The following ANKRD24 variants were observed in gnomAD, a reference collection of about 807,000 sequenced individuals.
The protein encoded by ANKRD24 is ankyrin repeat domain-containing protein 24.
In ANKRD24, 109 loss-of-function variants were observed where a neutral mutation model predicts 127.8. The ratio of observed to expected loss-of-function variants is 0.85; its 90% CI spans 0.73 to 1.00. The LOEUF is 1.00. Ranked by LOEUF, ANKRD24 falls within the 50% of genes least tolerant of loss-of-function variation. The pLI, the probability that ANKRD24 is intolerant of heterozygous loss-of-function variation, is 0.00. For synonymous variants in ANKRD24, 743 were observed against 671.1 expected (o/e 1.11, Z -1.66); for missense variants, 1,648 against 1,570.2 (o/e 1.05, Z -0.84).
intron 1 of ANKRD24, among the ~76,000 whole-genome samples, chr19:4,183,048 G>T (rs182671670): frequency 1.1e-4 from 17 of 150,470 alleles, no homozygotes; most frequent in African/African-American, 3.9e-4. Flanking sequence ...GCGCAATCTC[G>T]GTTCACTGCA....
In ANKRD24 at chr19:4,198,070, C is replaced by T; in HGVS notation, c.37-1613C>T. ...GGTGCGAGGCTGCGGACGTCGCGGGCCCGGAGGCACCTGCGCGCCCTTGGC... is the reference window on the plus strand; with the variant it reads ...GGTGCGAGGCTGCGGACGTCGCGGGTCCGGAGGCACCTGCGCGCCCTTGGC... On this transcript the variant is annotated intron_variant, in intron 2 of 21. Coordinates refer to ENST00000318934, the MANE Select transcript of ANKRD24 (RefSeq NM_001393985.1). The surrounding 1 kb of genome is among the most constrained non-coding windows in gnomAD (Gnocchi z 6.1). 1 of 421,248 alleles carries T rather than the reference C, an allele frequency of 2.4e-6. No homozygotes were observed. Among genetic ancestry groups the T allele is most frequent in the Non-Finnish European group, 4.2e-6 (1 of 237,224 alleles). 26.1% of individuals were successfully genotyped at this position (421,248 alleles called of 1,614,324 possible).
chr19:4,192,662 G>C (rs1188862900), intron 2 of ANKRD24, among the ~76,000 whole-genome samples: 1 of 150,718 alleles, frequency 6.6e-6, no homozygotes, highest in Non-Finnish European at 1.5e-5. Context: ...TGGGCGCAGT[G>C]GCTCACGCCT....
intron 15 of ANKRD24, among the ~76,000 whole-genome samples, chr19:4,214,254 C>G (rs1969932472): frequency 6.6e-6 from 1 of 151,764 alleles, no homozygotes; most frequent in Admixed American, 6.6e-5. Flanking sequence ...GCAGCCTTGA[C>G]TTTCCCGGCC....
intron 13 of ANKRD24, among the ~76,000 whole-genome samples, chr19:4,212,057 G>A (rs542757009): frequency 3.9e-5 from 6 of 152,072 alleles, no homozygotes; most frequent in East Asian, 3.9e-4. Context: ...AAAATTAGCC[G>A]GGCCTGTTGG....
chr19:4,202,433 G>A (rs146623241), intron 6 of ANKRD24, among the ~76,000 whole-genome samples: 2,548 of 152,146 alleles, frequency 0.017, 72 homozygotes, highest in African/African-American at 0.058. Context: ...AGCTGGGAGC[G>A]GTGGTGTGTG....
At chr19:4,187,866 T>C (rs1968155861) in intron 2 of ANKRD24, among the ~76,000 whole-genome samples, 1 of 151,906 alleles carries the variant, frequency 6.6e-6, no homozygotes, top group South Asian at 2.1e-4. Flanking sequence ...TTTAGAGAAG[T>C]GAAGGCAGGC....
At chr19:4,213,306 T>TTACC (rs1969867721) in intron 15 of ANKRD24, among the ~76,000 whole-genome samples, 1 of 147,092 alleles carries the variant, frequency 6.8e-6, no homozygotes, top group African/African-American at 2.6e-5. Flanking sequence ...CTTTCCTTCC[T>TTACC]TCCCTCCCTC....
chr19:4,219,069 TGAGGTCACAAGTTC>T (rs1401793428), intron 18 of ANKRD24, among the ~76,000 whole-genome samples: 19 of 152,272 alleles, frequency 1.2e-4, no homozygotes, highest in Non-Finnish European at 2.8e-4. Flanking sequence ...GTGGATCACC[TGAGGTCACAAGTTC>T]GAGACCAGCC....
Position 4,195,900 on chromosome 19 carries a change from A to G in ANKRD24, c.37-3783A>G, listed in dbSNP as rs1968706846. On this transcript the variant is annotated intron_variant, in intron 2 of 21. Coordinates refer to ENST00000318934, the MANE Select transcript of ANKRD24 (RefSeq NM_001393985.1). This position sits in a 1 kb window ranked among gnomAD's most constrained non-coding sequence, Gnocchi z 4.2. Reference sequence around the variant, plus strand: ...AAGAGCAAGACTCCGTCTCAAAAGAAAAAAAGTAAAAGTCTAAGAATAATC... The same window carrying G: ...AAGAGCAAGACTCCGTCTCAAAAGAGAAAAAGTAAAAGTCTAAGAATAATC... 6.6e-6 allele frequency among the ~76,000 whole-genome samples: 1 copy of G among 152,216 alleles called. No individual in the cohort carries two copies. Among genetic ancestry groups the G allele is most frequent in the African/African-American group, 2.4e-5 (1 of 41,454 alleles).
chr19:4,182,965 T>TTGTGTGTGTGTGTGTGTGTGTGTGTG (rs57280997), intron 1 of ANKRD24, among the ~76,000 whole-genome samples: 9 of 138,582 alleles, frequency 6.5e-5, no homozygotes, highest in Non-Finnish European at 9.3e-5. Flanking sequence ...AATATCTCAT[T>TTGTGTGTGTGTGTGTGTGTGTGTGTG]TGTGTGTGTG....
chr19:4,210,522 C>G (rs1365729354), intron 13 of ANKRD24, 150 bp downstream of exon 13: 7 of 717,800 alleles, frequency 9.8e-6, no homozygotes. Context: ...GCTGTTCCTC[C>G]AACTCGCCAG....
intron 4 of ANKRD24, 23 bp downstream of exon 4, chr19:4,200,028 T>A: frequency 1.3e-6 from 2 of 1,564,764 alleles, no homozygotes; most frequent in Non-Finnish European, 1.7e-6. Flanking sequence ...GACCCGGGAG[T>A]GAGATGGCTG....
Position 4,217,382 on chromosome 19 carries a change from G to T in ANKRD24, c.2222G>T (p.Arg741Leu). ...GLEEALRQREREAAAELEAAL... is the reference protein window; with the variant it reads ...GLEEALRQRELEAAAELEAAL... ...GAGGAGGCTCTCCGGCAGCGGGAGC[G>T]GGAGGCAGCTGCGGAGCTGGAGGCG... Residue 741 changes from arginine (R) to leucine (L), a missense_variant, in exon 18 of 22, where the codon CGG (arginine) becomes CTG (leucine). Coordinates refer to ENST00000318934, the MANE Select transcript of ANKRD24 (RefSeq NM_001393985.1). 1 of 1,550,648 alleles carries T rather than the reference G, an allele frequency of 6.4e-7. No homozygotes were observed. The highest frequency in any genetic ancestry group is 8.7e-7 in the Non-Finnish European group (1 of 1,146,940).
intron 11 of ANKRD24, 129 bp downstream of exon 11, chr19:4,208,930 T>G: frequency 1.0e-6 from 1 of 991,984 alleles, no homozygotes; most frequent in Non-Finnish European, 1.5e-6. Flanking sequence ...AATGCTACCT[T>G]CAGGGTATGC....
At chr19:4,206,013 G>A (rs1331749759) in intron 7 of ANKRD24, among the ~76,000 whole-genome samples, 3 of 138,630 alleles carry the variant, frequency 2.2e-5, no homozygotes, top group Admixed American at 7.3e-5. Context: ...GTGGTGGCGG[G>A]CGCCTGTAGT....
Position 4,222,762 on chromosome 19 carries a change from T to C in ANKRD24, c.3264T>C (p.Arg1088=), listed in dbSNP as rs749182378. The C allele has an allele frequency of 6.2e-7, 1 of 1,611,400 alleles. No homozygotes were observed. The highest frequency in any genetic ancestry group is 8.5e-7 in the Non-Finnish European group (1 of 1,178,246). ...CCACCCCTGAGGTGGAGGCTCTCCG[T>C]GACCAGGTGAAGGATTTACAGCAGC... ...ALATPEVEAL[R]DQVKDLQQQL... The change falls in exon 20 of 22, where the codon CGT becomes CGC. Residue 1088 remains arginine (R), a synonymous_variant. Coordinates refer to ENST00000318934, the MANE Select transcript of ANKRD24 (RefSeq NM_001393985.1).
intron 1 of ANKRD24, 126 bp downstream of exon 1, chr19:4,182,866 CCT>C: frequency 2.0e-6 from 1 of 498,564 alleles, no homozygotes; most frequent in Non-Finnish European, 2.6e-6. Flanking sequence ...CCCCACAACC[CCT>C]TTTACGGATT....
chr19:4,182,773 T>C (rs1967800196), intron 1 of ANKRD24, 33 bp downstream of exon 1: 2 of 985,114 alleles, frequency 2.0e-6, no homozygotes, highest in African/African-American at 3.5e-5. Context: ...GGCTCCCCGA[T>C]GACCCGGGCG....
chr19:4,190,262 C>T (rs866886554), intron 2 of ANKRD24, among the ~76,000 whole-genome samples: 13 of 151,958 alleles, frequency 8.6e-5, no homozygotes, highest in South Asian at 2.1e-4. Context: ...GGTGAAACCC[C>T]GTCTCTACTA....
Sources: allele counts gnomAD v4.1 joint callset (sites outside exome capture counted in the v4.1 genomes callset), GRCh38; gene constraint gnomAD v4.1.1; non-coding constraint Gnocchi (gnomAD v3.1); transcripts MANE v1.5; gene names NCBI Gene and HGNC (gene_info 2026-07-23, HGNC 2026-07-21).